MRPL1: variants seen among roughly 807,000 people sequenced by gnomAD.
MRPL1 encodes mitochondrial ribosomal protein L1, also known as large ribosomal subunit protein uL1m.
MRPL1 carries 28 observed loss-of-function variants against 38.0 expected under a neutral mutation model. The observed-to-expected ratio is 0.74, with a 90% CI of 0.55 to 1.01. MRPL1 has a LOEUF of 1.01. Ranked by LOEUF, MRPL1 falls within the 50% of genes least tolerant of loss-of-function variation. The probability of loss-of-function intolerance (pLI) is 0.00; values close to 1 mark genes in which losing one functional copy is unlikely to be tolerated. For missense variants in MRPL1, 358 were observed against 389.8 expected (o/e 0.92, Z 0.69); for synonymous variants, 123 against 126.7 (o/e 0.97, Z 0.20).
chr4:77,938,634 A>G (rs1737045687), intron 7 of MRPL1, among the ~76,000 whole-genome samples: 1 of 152,132 alleles, frequency 6.6e-6, no homozygotes, highest in African/African-American at 2.4e-5. Context: ...ATCCCATAAA[A>G]ATCCAGATTT....
chr4:77,883,192 A>G, intron 2 of MRPL1, 50 bp from the exon 3 acceptor site: 1 of 1,215,388 alleles, frequency 8.2e-7, no homozygotes, highest in Non-Finnish European at 1.1e-6. Flanking sequence ...TTTTTAAAAA[A>G]AATCTCTTAG....
chr4:77,945,429 G>A (rs1737236843), intron 7 of MRPL1, among the ~76,000 whole-genome samples: 2 of 151,860 alleles, frequency 1.3e-5, no homozygotes, highest in South Asian at 4.1e-4. Flanking sequence ...GAGACTATCA[G>A]AACAGTTATA....
At chr4:77,935,426 G>A (rs1388442556) in intron 7 of MRPL1, among the ~76,000 whole-genome samples, 4 of 151,766 alleles carry the variant, frequency 2.6e-5, no homozygotes, top group South Asian at 2.1e-4. Context: ...ACGGAGTCTC[G>A]CTCTCTCGCC....
chr4:77,940,160 C>G (rs1410213416), intron 7 of MRPL1, among the ~76,000 whole-genome samples: 1 of 152,112 alleles, frequency 6.6e-6, no homozygotes, highest in African/African-American at 2.4e-5. Context: ...AATATTGATT[C>G]TTCCCATCCA....
intron 6 of MRPL1, among the ~76,000 whole-genome samples, chr4:77,900,440 G>A (rs563401043): frequency 6.6e-6 from 1 of 152,338 alleles, no homozygotes; most frequent in Admixed American, 6.5e-5. Context: ...ATGAGGGACT[G>A]CTTTGTAGAA....
chr4:77,897,667 G>A (rs1186574360), intron 6 of MRPL1, among the ~76,000 whole-genome samples: 2 of 152,336 alleles, frequency 1.3e-5, no homozygotes, highest in South Asian at 2.1e-4. Context: ...GAGGAATTTG[G>A]TGTTGTATCA....
intron 2 of MRPL1, among the ~76,000 whole-genome samples, chr4:77,876,242 G>C (rs561439440): frequency 2.4e-4 from 36 of 152,244 alleles, no homozygotes; most frequent in African/African-American, 8.7e-4. Flanking sequence ...CAGAGTGCTG[G>C]GATTACAGGT....
At chr4:77,900,083 C>T (rs1485227304) in intron 6 of MRPL1, among the ~76,000 whole-genome samples, 1 of 152,200 alleles carries the variant, frequency 6.6e-6, no homozygotes, top group Admixed American at 6.5e-5. Flanking sequence ...GTATGAAGCA[C>T]AAGCTGGGTA....
intron 2 of MRPL1, among the ~76,000 whole-genome samples, chr4:77,881,231 T>C (rs1560460994): frequency 6.6e-6 from 1 of 152,074 alleles, no homozygotes; most frequent in East Asian, 1.9e-4. Flanking sequence ...GGTAAAGAAT[T>C]GGGACCAATG....
chr4:77,951,037 T>A (rs955094384), intron 8 of MRPL1, among the ~76,000 whole-genome samples: 1 of 152,108 alleles, frequency 6.6e-6, no homozygotes, highest in Non-Finnish European at 1.5e-5. Flanking sequence ...TGCCAGCTAA[T>A]TTTTGTATTT....
Position 77,871,801 on chromosome 4 carries a change from G to C in MRPL1, c.89G>C (p.Cys30Ser). 6.2e-7 allele frequency: 1 copy of C among 1,601,400 alleles called. No homozygotes were observed. The highest frequency in any genetic ancestry group is 8.5e-7 in the Non-Finnish European group (1 of 1,176,226). The change falls in exon 2 of 9, where the codon TGT (cysteine) becomes TCT (serine). Residue 30 changes from cysteine to serine, a missense_variant. Cys to Ser is a moderately radical substitution (Grantham distance 112, BLOSUM62 -1). Transcript: ENST00000315567. ...LSKMVYQTSL[C>S]SCSVNIRVPN... is the part of the protein sequence containing the mutation. Reference sequence around the variant, plus strand: ...AAGATGGTTTATCAGACATCACTTTGTTCTTGTTCTGTAAACATCCGAGTG... The same window carrying C: ...AAGATGGTTTATCAGACATCACTTTCTTCTTGTTCTGTAAACATCCGAGTG...
intron 4 of MRPL1, 33 bp downstream of exon 4, chr4:77,885,372 TA>T: frequency 6.5e-7 from 1 of 1,547,488 alleles, no homozygotes; most frequent in Non-Finnish European, 8.9e-7. Context: ...TTATATCATT[TA>T]ATTTTTTTTT....
chr4:77,947,818 TAAA>T (rs1737306332), intron 7 of MRPL1, among the ~76,000 whole-genome samples: 2 of 152,326 alleles, frequency 1.3e-5, no homozygotes, highest in African/African-American at 2.4e-5. Context: ...ATATCTAAAA[TAAA>T]AAGTATTATA....
chr4:77,931,379 A>G (rs1257498342), intron 7 of MRPL1, among the ~76,000 whole-genome samples: 4 of 152,218 alleles, frequency 2.6e-5, no homozygotes, highest in African/African-American at 7.2e-5. Context: ...TTTTAGGAGA[A>G]GCTGCATTCG....
intron 7 of MRPL1, among the ~76,000 whole-genome samples, chr4:77,947,571 C>A (rs1027865504): frequency 1.3e-5 from 2 of 152,172 alleles, no homozygotes; most frequent in Admixed American, 6.6e-5. Flanking sequence ...AATGTTATTA[C>A]ATGGGAAAGC....
At chr4:77,943,526 T>G (rs1219912224) in intron 7 of MRPL1, among the ~76,000 whole-genome samples, 1 of 151,978 alleles carries the variant, frequency 6.6e-6, no homozygotes, top group Non-Finnish European at 1.5e-5. Context: ...TTTTGGTCAT[T>G]TAACATAATC....
intron 7 of MRPL1, among the ~76,000 whole-genome samples, chr4:77,925,456 G>A (rs1042459315): frequency 2.0e-5 from 3 of 150,940 alleles, no homozygotes; most frequent in Non-Finnish European, 3.0e-5. Flanking sequence ...GGTTCACACC[G>A]TTCTCCTGCC....
At chr4:77,899,150 C>T (rs112709112) in intron 6 of MRPL1, among the ~76,000 whole-genome samples, 1,986 of 150,466 alleles carry the variant, frequency 0.013, 27 homozygotes, top group Non-Finnish European at 0.023. Flanking sequence ...TGTGCTGCCA[C>T]GCCTGGCTCA....
chr4:77,871,992 C>A, intron 2 of MRPL1, 137 bp downstream of exon 2: 3 of 628,810 alleles, frequency 4.8e-6, no homozygotes, highest in East Asian at 3.1e-5. Context: ...ACCTTATAGT[C>A]CTGAAGGAAA....
Sources: allele counts gnomAD v4.1 joint callset (sites outside exome capture counted in the v4.1 genomes callset), GRCh38; gene constraint gnomAD v4.1.1; transcripts MANE v1.5; gene names NCBI Gene and HGNC (gene_info 2026-07-23, HGNC 2026-07-21).